Variants in DENND4A observed in about 807,000 individuals in gnomAD.
DENND4A encodes DENN domain containing 4A.
Under a neutral mutation model 199.3 loss-of-function variants are expected in DENND4A, and 70 were observed. The ratio of observed to expected loss-of-function variants is 0.35; its 90% CI spans 0.29 to 0.43. DENND4A has a LOEUF of 0.43. Among genes scored for constraint, DENND4A ranks in the 20% least tolerant of loss-of-function variants. The probability of loss-of-function intolerance (pLI) is 1.00; values close to 1 mark genes in which losing one functional copy is unlikely to be tolerated. For missense variants in DENND4A, 1,723 were observed against 2,255.8 expected (o/e 0.76, Z 4.78); for synonymous variants, 686 against 766.9 (o/e 0.89, Z 1.74).
At chr15:65,725,159 T>C (rs1446883525) in intron 11 of DENND4A, among the ~76,000 whole-genome samples, 1 of 152,232 alleles carries the variant, frequency 6.6e-6, no homozygotes, top group South Asian at 2.1e-4. Flanking sequence ...GATCATCTTA[T>C]GAGTAAATGT....
intron 4 of DENND4A, among the ~76,000 whole-genome samples, chr15:65,746,068 G>C (rs1479513364): frequency 6.6e-6 from 1 of 151,524 alleles, no homozygotes; most frequent in Non-Finnish European, 1.5e-5. Flanking sequence ...TTGAACCCAG[G>C]AGGCGGAGGT....
intron 1 of DENND4A, among the ~76,000 whole-genome samples, chr15:65,784,458 A>AG (rs2077515622): frequency 6.7e-6 from 1 of 148,768 alleles, no homozygotes; most frequent in African/African-American, 2.4e-5. Flanking sequence ...ATTTCTTACA[A>AG]AAAAAAAAAA....
intron 3 of DENND4A, among the ~76,000 whole-genome samples, chr15:65,754,592 T>C (rs183584291): frequency 1.3e-5 from 2 of 152,192 alleles, no homozygotes; most frequent in East Asian, 3.9e-4. Context: ...GACAACCAAA[T>C]TAAAAATGGG....
intron 1 of DENND4A, among the ~76,000 whole-genome samples, chr15:65,782,275 G>A (rs1290436118): frequency 6.6e-6 from 1 of 152,110 alleles, no homozygotes; most frequent in African/African-American, 2.4e-5. Context: ...GCAAGGCTTT[G>A]CACTTGATAT....
chr15:65,675,134 G>C (rs2076334745), intron 24 of DENND4A, among the ~76,000 whole-genome samples: 1 of 152,132 alleles, frequency 6.6e-6, no homozygotes, highest in Admixed American at 6.5e-5. Flanking sequence ...ATCTAAATCA[G>C]AGGTAAAATC....
intron 7 of DENND4A, among the ~76,000 whole-genome samples, chr15:65,737,034 C>T (rs1229779847): frequency 6.6e-6 from 1 of 152,106 alleles, no homozygotes; most frequent in Non-Finnish European, 1.5e-5. Context: ...CTAATTTCTC[C>T]TTTACATTCA....
chr15:65,750,142 T>C (rs909209982), intron 4 of DENND4A, among the ~76,000 whole-genome samples: 5 of 152,198 alleles, frequency 3.3e-5, no homozygotes, highest in African/African-American at 1.2e-4. Context: ...TTTTTAATAC[T>C]ATACAATCAT....
rs767759813 is a variant in DENND4A, at chr15:65,691,523, G to A, written c.3083-12C>T. 2 of 1,553,856 alleles carry A rather than the reference G, an allele frequency of 1.3e-6. No individual in the cohort carries two copies. Among genetic ancestry groups the A allele is most frequent in the Admixed American group, 4.2e-5 (2 of 47,370 alleles). On this transcript the variant is annotated splice_polypyrimidine_tract_variant and intron_variant, in intron 22 of 32. Coordinates refer to ENST00000443035, the MANE Select transcript of DENND4A (RefSeq NM_001320835.1). ...CTCAGGTGTGCTTTCTGAAAAACAA[G>A]TAAAGTGCTTTTAGCCATGAAAATA...
chr15:65,690,031 G>GT (rs2076919242), intron 23 of DENND4A, among the ~76,000 whole-genome samples: 1 of 152,104 alleles, frequency 6.6e-6, no homozygotes, highest in African/African-American at 2.4e-5. Context: ...TAAGTCTATC[G>GT]TAAGTTACTC....
At chr15:65,714,356 T>A (rs1399259620) in intron 14 of DENND4A, among the ~76,000 whole-genome samples, 1 of 150,568 alleles carries the variant, frequency 6.6e-6, no homozygotes, top group Non-Finnish European at 1.5e-5. Flanking sequence ...GAGCTTGCAG[T>A]GAGCCAGGAT....
At chr15:65,692,184 T>C (rs892942383) in intron 22 of DENND4A, among the ~76,000 whole-genome samples, 1 of 152,156 alleles carries the variant, frequency 6.6e-6, no homozygotes, top group Non-Finnish European at 1.5e-5. Flanking sequence ...ATGTTAACTT[T>C]ATCCATAAAT....
Position 65,732,953 on chromosome 15 carries a change from C to G in DENND4A, c.1041-135G>C, listed in dbSNP as rs2076005631. 5 of 514,192 alleles carry G rather than the reference C, an allele frequency of 9.7e-6. No individual in the cohort carries two copies. The South Asian group carries it at 1.9e-4, about 19-fold the overall frequency. 31.9% of individuals were successfully genotyped at this position (514,192 alleles called of 1,614,324 possible). On this transcript the variant is annotated intron_variant, in intron 7 of 32. Transcript: ENST00000443035. ...TTTGAAATCCCTAATACTATGAAAA[C>G]AAGTGAACAACCAAAAATCATTCAT...
chr15:65,790,890 A>G (rs1053699136), intron 1 of DENND4A, among the ~76,000 whole-genome samples: 5 of 152,190 alleles, frequency 3.3e-5, no homozygotes, highest in Admixed American at 6.5e-5. Flanking sequence ...GTACTACAAT[A>G]GATTAGCGTA....
intron 29 of DENND4A, 79 bp from the exon 30 acceptor site, chr15:65,665,541 A>G (rs952403798): frequency 9.1e-7 from 1 of 1,095,240 alleles, no homozygotes; most frequent in Admixed American, 2.7e-5. Context: ...TCTTATAAAT[A>G]TTTTTTAGGA....
chr15:65,672,769 G>A (rs147665104), intron 24 of DENND4A, among the ~76,000 whole-genome samples: 97 of 152,308 alleles, frequency 6.4e-4, no homozygotes, highest in African/African-American at 2.2e-3. Flanking sequence ...GTTGTCGACA[G>A]TGATTGTATC....
intron 5 of DENND4A, 77 bp from the exon 6 acceptor site, chr15:65,738,952 TTTG>T: frequency 6.9e-6 from 8 of 1,155,766 alleles, no homozygotes; most frequent in Non-Finnish European, 9.4e-6. Flanking sequence ...GATAAAATGC[TTTG>T]TTATTTCACA....
At chr15:65,766,943 C>T (rs1389149077) in intron 1 of DENND4A, among the ~76,000 whole-genome samples, 1 of 152,224 alleles carries the variant, frequency 6.6e-6, no homozygotes, top group East Asian at 1.9e-4. Flanking sequence ...GAAGTAGCTG[C>T]TATTCCCTTG....
chr15:65,679,738 A>G (rs1056833944), intron 23 of DENND4A, among the ~76,000 whole-genome samples: 14 of 151,708 alleles, frequency 9.2e-5, no homozygotes, highest in Non-Finnish European at 1.8e-4. Flanking sequence ...CATGTTACCC[A>G]GGCTAGTCTT....
chr15:65,781,215 G>C (rs547053732), intron 1 of DENND4A, among the ~76,000 whole-genome samples: 1 of 152,278 alleles, frequency 6.6e-6, no homozygotes, highest in South Asian at 2.1e-4. Context: ...AGTTGGAGTG[G>C]AAAGTAGAAA....
Sources: allele counts gnomAD v4.1 joint callset (sites outside exome capture counted in the v4.1 genomes callset), GRCh38; gene constraint gnomAD v4.1.1; transcripts MANE v1.5; gene names NCBI Gene and HGNC (gene_info 2026-07-23, HGNC 2026-07-21).